The following SMYD3 variants were observed in gnomAD, a reference collection of about 807,000 sequenced individuals.
SMYD3 encodes histone-lysine N-methyltransferase SMYD3.
In SMYD3, 36 loss-of-function variants were observed where a neutral mutation model predicts 57.7. The observed-to-expected ratio is 0.62, with a 90% CI of 0.48 to 0.82. The LOEUF is 0.82. Ranked by LOEUF, SMYD3 falls within the 40% of genes least tolerant of loss-of-function variation. The probability of loss-of-function intolerance (pLI) is 0.00; values close to 1 mark genes in which losing one functional copy is unlikely to be tolerated. For synonymous variants in SMYD3, 211 were observed against 195.0 expected (o/e 1.08, Z -0.68); for missense variants, 515 against 538.8 (o/e 0.96, Z 0.44).
chr1:245,811,728 A>G (rs746205979), intron 10 of SMYD3, among the ~76,000 whole-genome samples: 8 of 152,230 alleles, frequency 5.3e-5, no homozygotes, highest in African/African-American at 1.9e-4. Context: ...AATGGCCAAT[A>G]ACCACTATTT....
intron 1 of SMYD3, among the ~76,000 whole-genome samples, chr1:246,397,860 C>T (rs1296698602): frequency 6.7e-6 from 1 of 149,974 alleles, no homozygotes; most frequent in African/African-American, 2.5e-5. Flanking sequence ...AGAAAACAGG[C>T]CTTGTGTGTT....
intron 5 of SMYD3, among the ~76,000 whole-genome samples, chr1:246,214,745 G>A (rs1171965240): frequency 1.3e-5 from 2 of 151,986 alleles, no homozygotes; most frequent in East Asian, 3.9e-4. Flanking sequence ...GAATATTTAG[G>A]AACAGTCCTA....
In SMYD3 at chr1:246,196,401, A is replaced by C. The variant is rs533127848; in HGVS notation, c.531+130800T>G. 7.8e-4 allele frequency among the ~76,000 whole-genome samples: 119 copies of C among 152,348 alleles called. 2 individuals are homozygous for C. The South Asian group carries it at 0.024, about 31-fold the overall frequency. On this transcript the variant is annotated intron_variant, in intron 5 of 11. Transcript: ENST00000490107. ...TATTTGCATTTCTAATTCTAATCCA[A>C]GTTAAATAAATGAAAAATCCACTGT...
chr1:245,868,086 T>C (rs2051978608), intron 8 of SMYD3, among the ~76,000 whole-genome samples: 1 of 152,270 alleles, frequency 6.6e-6, no homozygotes, highest in South Asian at 2.1e-4. Context: ...AGCATGGATC[T>C]GGAAGAAGTG....
rs369369002 is a variant in SMYD3, at chr1:246,110,111, G to C, written c.532-180174C>G. 4.3e-4 allele frequency among the ~76,000 whole-genome samples: 66 copies of C among 152,246 alleles called. No individual in the cohort carries two copies. In the South Asian group the frequency reaches 0.013, roughly 31 times the overall value. On this transcript the variant is annotated intron_variant, in intron 5 of 11. Coordinates refer to ENST00000490107, the MANE Select transcript of SMYD3 (RefSeq NM_001167740.2). The stretch of plus-strand genomic sequence containing the variant: ...CTTACACCAAAACTGTGAAACTCTC[G>C]GAAGTGGCAGACCTTGGCAACAAGT...
chr1:246,180,363 T>C (rs1572166043), intron 5 of SMYD3, among the ~76,000 whole-genome samples: 1 of 147,190 alleles, frequency 6.8e-6, no homozygotes, highest in Admixed American at 6.8e-5. Flanking sequence ...TATATATAAG[T>C]ATATATATAA....
chr1:246,260,731 C>T (rs1460688453), intron 5 of SMYD3, among the ~76,000 whole-genome samples: 5 of 152,038 alleles, frequency 3.3e-5, no homozygotes, highest in Admixed American at 2.6e-4. Flanking sequence ...GCGCCCAGCC[C>T]CATTTTCCTT....
chr1:246,366,883 A>G (rs1334189420), intron 1 of SMYD3, among the ~76,000 whole-genome samples: 1 of 148,384 alleles, frequency 6.7e-6, no homozygotes, highest in Middle Eastern at 3.3e-3. Flanking sequence ...GTGAGCCAAG[A>G]TCATGTCATT....
chr1:245,926,816 A>G (rs529183666), intron 7 of SMYD3, among the ~76,000 whole-genome samples: 32 of 152,330 alleles, frequency 2.1e-4, no homozygotes, highest in African/African-American at 7.2e-4. Flanking sequence ...CTGAAAATAG[A>G]TAGCGGTTTC....
intron 5 of SMYD3, among the ~76,000 whole-genome samples, chr1:246,087,859 CA>C (rs1248034170): frequency 2.6e-5 from 4 of 152,152 alleles, no homozygotes; most frequent in African/African-American, 9.7e-5. Context: ...AACTGTTAAC[CA>C]AACCGCCTCC....
chr1:246,288,468 T>C (rs1272795731), intron 5 of SMYD3, among the ~76,000 whole-genome samples: 1 of 152,052 alleles, frequency 6.6e-6, no homozygotes, highest in East Asian at 1.9e-4. Context: ...GATCCTGAGC[T>C]TTCCTGTGAC....
At chr1:246,296,612 A>C (rs1024812487) in intron 5 of SMYD3, among the ~76,000 whole-genome samples, 6 of 152,132 alleles carry the variant, frequency 3.9e-5, no homozygotes, top group Admixed American at 3.9e-4. Context: ...CATTGTGTGT[A>C]ATCTCATTTT....
intron 10 of SMYD3, among the ~76,000 whole-genome samples, chr1:245,837,998 G>A (rs1272851901): frequency 2.6e-5 from 4 of 152,170 alleles, no homozygotes; most frequent in African/African-American, 7.2e-5. Context: ...GAGTATCATC[G>A]AATTAGTTGG....
intron 5 of SMYD3, among the ~76,000 whole-genome samples, chr1:245,966,406 A>T (rs950122399): frequency 2.0e-5 from 3 of 152,078 alleles, no homozygotes; most frequent in Non-Finnish European, 4.4e-5. Flanking sequence ...TGGCCTCAAG[A>T]ACTCCTCCCA....
intron 1 of SMYD3, among the ~76,000 whole-genome samples, chr1:246,403,529 T>G (rs2066809369): frequency 6.6e-6 from 1 of 152,184 alleles, no homozygotes; most frequent in Non-Finnish European, 1.5e-5. Flanking sequence ...TCTTCCTAGT[T>G]CATCTCCTCT....
chr1:246,507,031 A>G (rs6426303), intron 1 of SMYD3, 23 bp downstream of exon 1: 1,453,139 of 1,475,682 alleles, frequency 0.98, 715,497 homozygotes, highest in East Asian at 1. Flanking sequence ...CGACTCAGGT[A>G]GGCGAGGGCG....
At chr1:246,376,873 G>A (rs950971336) in intron 1 of SMYD3, among the ~76,000 whole-genome samples, 1 of 152,076 alleles carries the variant, frequency 6.6e-6, no homozygotes, top group Admixed American at 6.5e-5. Context: ...GCTGAGGTGG[G>A]CGGATCACCT....
chr1:245,927,161 T>C (rs2056427907), intron 7 of SMYD3, among the ~76,000 whole-genome samples: 1 of 152,090 alleles, frequency 6.6e-6, no homozygotes, highest in Non-Finnish European at 1.5e-5. Flanking sequence ...GGAAACGGGG[T>C]TCTGGAAAGT....
chr1:246,007,910 C>A (rs1178013765), intron 5 of SMYD3, among the ~76,000 whole-genome samples: 8 of 151,748 alleles, frequency 5.3e-5, no homozygotes, highest in Admixed American at 3.3e-4. Flanking sequence ...TAGAAAAGAA[C>A]TAAACTGAAA....
Sources: gnomAD v4.1 joint callset for allele counts (sites outside exome capture counted in the v4.1 genomes callset) on GRCh38, gnomAD v4.1.1 for gene constraint, MANE v1.5 for transcripts, NCBI Gene and HGNC (gene_info 2026-07-23, HGNC 2026-07-21) for gene names.